PCYT1B: variants seen among roughly 807,000 people sequenced by gnomAD.
PCYT1B encodes choline-phosphate cytidylyltransferase B.
A neutral mutation model predicts 26.4 loss-of-function variants in PCYT1B; 10 were observed. The ratio of observed to expected loss-of-function variants is 0.38; its 90% CI spans 0.23 to 0.64. The LOEUF (loss-of-function observed/expected upper bound fraction) is 0.64, where lower values mean the gene tolerates loss of function less well. Ranked by LOEUF, PCYT1B falls within the 30% of genes least tolerant of loss-of-function variation. The pLI, the probability that PCYT1B is intolerant of heterozygous loss-of-function variation, is 0.56. For missense variants in PCYT1B, 161 were observed against 292.7 expected (o/e 0.55, Z 3.28); for synonymous variants, 131 against 108.4 (o/e 1.21, Z -1.29).
chrX:24,667,856 C>T (rs1244490064), intron 1 of PCYT1B, among the ~76,000 whole-genome samples: 1 of 111,846 alleles, frequency 8.9e-6, no homozygotes, highest in Non-Finnish European at 1.9e-5. Flanking sequence ...ATTTAATGTA[C>T]ATTTACATTG....
intron 1 of PCYT1B, among the ~76,000 whole-genome samples, chrX:24,670,012 G>T (rs1271519628): frequency 2.0e-5 from 2 of 101,216 alleles, no homozygotes; most frequent in African/African-American, 7.3e-5. Flanking sequence ...CACTGCACTC[G>T]AGCCTGGGCA....
At chrX:24,579,571 T>C in intron 5 of PCYT1B, 113 bp from the exon 6 acceptor site, 3 of 675,596 alleles carry the variant, frequency 4.4e-6, no homozygotes, top group East Asian at 3.3e-5. Context: ...GGTATGCCAA[T>C]GAAGACTTTA....
At chrX:24,573,358 G>T (rs1923915723) in intron 7 of PCYT1B, among the ~76,000 whole-genome samples, 1 of 110,588 alleles carries the variant, frequency 9.0e-6, no homozygotes, top group Non-Finnish European at 1.9e-5. Flanking sequence ...TAGATACGGG[G>T]TTTCACCATG....
At chrX:24,647,390 G>T, upstream of PCYT1B, 1 of 458,439 alleles carries the variant, frequency 2.2e-6, no homozygotes, top group Non-Finnish European at 2.7e-6. Flanking sequence ...TGCATAGAGC[G>T]CGCTGGTTGG....
At chrX:24,572,543 A>G (rs966076391) in intron 7 of PCYT1B, among the ~76,000 whole-genome samples, 1 of 111,816 alleles carries the variant, frequency 8.9e-6, no homozygotes, top group Non-Finnish European at 1.9e-5. Context: ...ATTTGCCGGT[A>G]ATACAGATCT....
At chrX:24,637,491 A>AAAAAAATATATATATATATATATATATAT in intron 1 of PCYT1B, among the ~76,000 whole-genome samples, 1 of 52,874 alleles carries the variant, frequency 1.9e-5, no homozygotes, top group African/African-American at 1.5e-4. Context: ...AAAAAAAAAA[A>AAAAAAATATATATATATATATATATATAT]ATATATATAT....
chrX:24,662,161 T>G (rs756407120), intron 1 of PCYT1B, among the ~76,000 whole-genome samples: 2 of 82,352 alleles, frequency 2.4e-5, no homozygotes, highest in South Asian at 1.1e-3. Context: ...AGAGTGAGAC[T>G]GTCTCAAAAA....
At chrX:24,563,063 T>C (rs1331997631) in intron 7 of PCYT1B, among the ~76,000 whole-genome samples, 1 of 111,522 alleles carries the variant, frequency 9.0e-6, no homozygotes, top group East Asian at 2.8e-4. Context: ...TCTTCCTTTT[T>C]TTTCTTCCAT....
At chrX:24,590,380 A>C (rs1006020700) in intron 3 of PCYT1B, among the ~76,000 whole-genome samples, 2 of 112,123 alleles carry the variant, frequency 1.8e-5, no homozygotes, top group African/African-American at 6.5e-5. Context: ...ATTTCATTTT[A>C]ATGCTAATTA....
upstream of PCYT1B, among the ~76,000 whole-genome samples, chrX:24,647,604 AAAC>A (rs1262433015): frequency 8.9e-6 from 1 of 112,432 alleles, no homozygotes; most frequent in African/African-American, 3.2e-5. Flanking sequence ...ACGCCTTGAG[AAAC>A]AACATAGCAG....
intron 1 of PCYT1B, among the ~76,000 whole-genome samples, chrX:24,671,075 C>T (rs1255636129): frequency 9.1e-6 from 1 of 110,443 alleles, no homozygotes; most frequent in East Asian, 2.8e-4. Flanking sequence ...TCAAGCAATT[C>T]TCCTGCCTCA....
chrX:24,669,220 G>A (rs1048864166), intron 1 of PCYT1B, among the ~76,000 whole-genome samples: 40 of 111,673 alleles, frequency 3.6e-4, no homozygotes, highest in Non-Finnish European at 6.4e-4. Context: ...TATAACTACT[G>A]AGCACTTAAA....
intron 1 of PCYT1B, among the ~76,000 whole-genome samples, chrX:24,653,264 AG>A (rs1331948791): frequency 9.0e-6 from 1 of 111,325 alleles, no homozygotes; most frequent in East Asian, 2.8e-4. Context: ...AAATCCCCTC[AG>A]GACTTACCAT....
At chrX:24,574,046 C>A (rs1923942572) in intron 7 of PCYT1B, among the ~76,000 whole-genome samples, 2 of 111,356 alleles carry the variant, frequency 1.8e-5, no homozygotes, top group African/African-American at 6.5e-5. Flanking sequence ...GAGTGTTTCA[C>A]TTTTAGATAA....
Position 24,579,266 on chromosome X carries a change from G to A in PCYT1B, c.708+50C>T, listed in dbSNP as rs753494394. The A allele has an allele frequency of 4.3e-6, 5 of 1,159,708 alleles. No individual in the cohort carries two copies. The African/African-American group carries it at 8.9e-5, about 21-fold the overall frequency. On this transcript the variant is annotated intron_variant, in intron 6 of 7. Coordinates refer to ENST00000379144, the MANE Select transcript of PCYT1B (RefSeq NM_004845.5). ...TGCTCAATAAACAGCAGCACTGGTGGTGGTGGTGTGGCATGGTGGTCTTCA... is the reference window on the plus strand; with the variant it reads ...TGCTCAATAAACAGCAGCACTGGTGATGGTGGTGTGGCATGGTGGTCTTCA...
chrX:24,572,266 GCACA>G (rs753296581), intron 7 of PCYT1B, among the ~76,000 whole-genome samples: 2 of 99,026 alleles, frequency 2.0e-5, no homozygotes, highest in African/African-American at 7.4e-5. Context: ...ACACGCGCGC[GCACA>G]CACACACACA....
chrX:24,672,590 C>A (rs771505211), exon 1 of PCYT1B: 2 of 1,204,635 alleles, frequency 1.7e-6, no homozygotes, highest in African/African-American at 3.5e-5. Context: ...AATTGGGGAG[C>A]GCGATTGTCC....
At chrX:24,572,430 G>A (rs953867835) in intron 7 of PCYT1B, among the ~76,000 whole-genome samples, 1 of 111,529 alleles carries the variant, frequency 9.0e-6, no homozygotes, top group African/African-American at 3.3e-5. Context: ...CCCACTATAA[G>A]TTACATACTA....
intron 3 of PCYT1B, among the ~76,000 whole-genome samples, chrX:24,600,057 G>A (rs369386351): frequency 9.1e-6 from 1 of 110,184 alleles, no homozygotes; most frequent in African/African-American, 3.3e-5. Flanking sequence ...ACAGGTGCAC[G>A]CCTGGCTAGT....
Sources: gnomAD v4.1 joint callset for allele counts (sites outside exome capture counted in the v4.1 genomes callset) on GRCh38, gnomAD v4.1.1 for gene constraint, MANE v1.5 for transcripts, NCBI Gene and HGNC (gene_info 2026-07-23, HGNC 2026-07-21) for gene names.